Variants in XYLB observed in about 807,000 individuals in gnomAD.
XYLB encodes the protein xylulose kinase.
XYLB carries 62 observed loss-of-function variants against 78.7 expected under a neutral mutation model. That is an observed-to-expected ratio of 0.79 (90% CI 0.64 to 0.97). The LOEUF (loss-of-function observed/expected upper bound fraction) is 0.97, where lower values mean the gene tolerates loss of function less well. Ranked by LOEUF, XYLB falls within the 50% of genes least tolerant of loss-of-function variation. The pLI, the probability that XYLB is intolerant of heterozygous loss-of-function variation, is 0.00. For synonymous variants in XYLB, 245 were observed against 247.4 expected (o/e 0.99, Z 0.09); for missense variants, 687 against 676.8 (o/e 1.02, Z -0.17).
intron 2 of XYLB, among the ~76,000 whole-genome samples, chr3:38,349,068 C>T (rs1328870373): frequency 6.6e-6 from 1 of 152,190 alleles, no homozygotes; most frequent in African/African-American, 2.4e-5. Context: ...GGGGAAGTCC[C>T]AGAGCGTCTC....
downstream of XYLB, among the ~76,000 whole-genome samples, chr3:38,419,860 G>A (rs185886899): frequency 2.5e-4 from 38 of 151,390 alleles, no homozygotes; most frequent in East Asian, 3.9e-4. Context: ...TTGCTCTGTC[G>A]CCAGGCTGGA....
At chr3:38,386,852 C>G (rs1707402959) in intron 15 of XYLB, among the ~76,000 whole-genome samples, 1 of 152,130 alleles carries the variant, frequency 6.6e-6, no homozygotes. Context: ...TTTACTTTGT[C>G]TGAAAATGTA....
At chr3:38,348,768 A>C in intron 2 of XYLB, 136 bp downstream of exon 2, 1 of 720,822 alleles carries the variant, frequency 1.4e-6, no homozygotes, top group African/African-American at 1.8e-5. Context: ...CCTTTCAAGC[A>C]TCTTTTTTTC....
the XYLB span, among the ~76,000 whole-genome samples, chr3:38,426,679 C>T: frequency 6.6e-6 from 1 of 152,266 alleles, no homozygotes. Context: ...AAATGTGGAT[C>T]GCGAATCCTG....
At chr3:38,377,442 C>CTT (rs5848420) in intron 14 of XYLB, among the ~76,000 whole-genome samples, 2,619 of 139,308 alleles carry the variant, frequency 0.019, 77 homozygotes, top group African/African-American at 0.061. Context: ...ATTTACTTTT[C>CTT]TTTTTTTTTT....
At chr3:38,406,337 G>A (rs1030175558) in intron 18 of XYLB, among the ~76,000 whole-genome samples, 1 of 152,208 alleles carries the variant, frequency 6.6e-6, no homozygotes, top group Non-Finnish European at 1.5e-5. Flanking sequence ...CTGTCTGTTA[G>A]AAGGAAAACT....
At chr3:38,447,437 G>A in the XYLB span, among the ~76,000 whole-genome samples, 1 of 151,098 alleles carries the variant, frequency 6.6e-6, no homozygotes, top group African/African-American at 2.4e-5. Flanking sequence ...CTGAAGAGCC[G>A]AGACCACAGG....
At position 38,346,838 on chromosome 3, in the gene XYLB, C is replaced by T; in HGVS notation, c.-31C>T. The T allele has an allele frequency of 2.0e-6, 3 of 1,491,930 alleles. No homozygotes were observed. The highest frequency in any genetic ancestry group is 2.7e-6 in the Non-Finnish European group (3 of 1,121,494). 92.4% of individuals were successfully genotyped at this position (1,491,930 alleles called of 1,614,324 possible). On this transcript the variant is annotated 5_prime_UTR_variant, in exon 1 of 19. Coordinates refer to ENST00000207870, the MANE Select transcript of XYLB (RefSeq NM_005108.4). ...TCACGCCGCGTGGCGGACGGACGGA[C>T]TGACGGACGCGCAGCCTTACCCGAA...
At chr3:38,358,588 C>G (rs1309904352) in intron 2 of XYLB, among the ~76,000 whole-genome samples, 1 of 152,026 alleles carries the variant, frequency 6.6e-6, no homozygotes, top group Non-Finnish European at 1.5e-5. Context: ...AGGTGATCTG[C>G]CTGCCTTGGC....
chr3:38,368,939 A>G (rs1706400286), intron 8 of XYLB, among the ~76,000 whole-genome samples: 1 of 152,210 alleles, frequency 6.6e-6, no homozygotes, highest in African/African-American at 2.4e-5. Flanking sequence ...GTGAGCTTCT[A>G]GAATCAAAAC....
rs1034296579 is a variant in XYLB, at chr3:38,399,160, C to T, written c.1439-1731C>T. ...TGTTGTCCAGCCTGGAGTGCAGTGG[C>T]GTAGTCATGGCTCACTGCAGCCTCG... On this transcript the variant is annotated intron_variant, in intron 17 of 18. Coordinates refer to ENST00000207870, the MANE Select transcript of XYLB (RefSeq NM_005108.4). Among the ~76,000 whole-genome samples the T allele has an allele frequency of 2.9e-4, 44 of 152,058 alleles. 1 individual carries two copies. Among genetic ancestry groups the T allele is most frequent in the Admixed American group, 2.3e-3 (35 of 15,272 alleles).
the XYLB span, among the ~76,000 whole-genome samples, chr3:38,440,229 C>A: frequency 6.6e-6 from 1 of 152,158 alleles, no homozygotes; most frequent in South Asian, 2.1e-4. Context: ...TAACTTTTAG[C>A]AAGCTTTACT....
chr3:38,441,261 T>A, the XYLB span, among the ~76,000 whole-genome samples: 1 of 152,332 alleles, frequency 6.6e-6, no homozygotes, highest in Non-Finnish European at 1.5e-5. Context: ...TATATACACA[T>A]TTATTCTTTT....
At chr3:38,361,284 A>G (rs962361496) in intron 3 of XYLB, among the ~76,000 whole-genome samples, 6 of 152,132 alleles carry the variant, frequency 3.9e-5, no homozygotes, top group Admixed American at 3.9e-4. Context: ...TGGTAGCTCC[A>G]GGGGCTACCT....
At chr3:38,423,750 A>T (rs1370419846), downstream of XYLB, among the ~76,000 whole-genome samples, 1 of 152,206 alleles carries the variant, frequency 6.6e-6, no homozygotes, top group East Asian at 1.9e-4. Context: ...TATATGGATG[A>T]TATACTTTGT....
chr3:38,351,290 C>A (rs962761992), intron 2 of XYLB, among the ~76,000 whole-genome samples: 1 of 151,068 alleles, frequency 6.6e-6, no homozygotes, highest in African/African-American at 2.4e-5. Flanking sequence ...TGAGAACATA[C>A]CCTATATGAC....
chr3:38,362,810 T>G, intron 3 of XYLB, 127 bp from the exon 4 acceptor site: 8 of 647,768 alleles, frequency 1.2e-5, no homozygotes, highest in Non-Finnish European at 1.9e-5. Flanking sequence ...TCCCAAGTCA[T>G]GAGTTTCTTC....
At chr3:38,403,019 G>A (rs527622840) in intron 18 of XYLB, among the ~76,000 whole-genome samples, 13 of 152,154 alleles carry the variant, frequency 8.5e-5, no homozygotes, top group South Asian at 8.3e-4. Context: ...ATGTGGGGCC[G>A]GATGCAGTGG....
the XYLB span, chr3:38,453,000 C>T: frequency 6.6e-6 from 1 of 152,152 alleles, no homozygotes; most frequent in Non-Finnish European, 1.5e-5. Context: ...ATGGTCTTTC[C>T]CTCCTTAGTT....
Sources: allele counts gnomAD v4.1 joint callset (sites outside exome capture counted in the v4.1 genomes callset), GRCh38; gene constraint gnomAD v4.1.1; transcripts MANE v1.5; gene names NCBI Gene and HGNC (gene_info 2026-07-23, HGNC 2026-07-21).